The following GIGYF2 variants were observed in gnomAD, a reference collection of about 807,000 sequenced individuals.
The protein encoded by GIGYF2 is GRB10 interacting GYF protein 2, also known as GRB10-interacting GYF protein 2.
GIGYF2 carries 25 observed loss-of-function variants against 208.1 expected under a neutral mutation model. That is an observed-to-expected ratio of 0.12 (90% CI 0.09 to 0.17). The LOEUF (loss-of-function observed/expected upper bound fraction) is 0.17. Among genes scored for constraint, GIGYF2 ranks in the 10% least tolerant of loss-of-function variants. GIGYF2 has a pLI of 1.00. For synonymous variants in GIGYF2, 534 were observed against 543.8 expected (o/e 0.98, Z 0.25); for missense variants, 1,302 against 1,579.4 (o/e 0.82, Z 2.98).
chr2:232,816,558 AG>A lies in GIGYF2; in HGVS notation c.2209-311del, dbSNP rs1286865985. On this transcript the variant is annotated intron_variant, in intron 19 of 28. Coordinates refer to ENST00000373563, the MANE Select transcript of GIGYF2 (RefSeq NM_001103146.3). ...GAGTGTGGAGGCAAGTACAGGTGGG[AG>A]GAAAGTGCATTCAATTGAGACAGTC... Among the ~76,000 whole-genome samples, 19 of 152,298 alleles carry A rather than the reference AG, an allele frequency of 1.2e-4. No individual in the cohort carries two copies. The East Asian group carries it at 3.7e-3, about 29-fold the overall frequency.
At chr2:232,823,695 A>T (rs527689546) in intron 21 of GIGYF2, among the ~76,000 whole-genome samples, 4 of 152,206 alleles carry the variant, frequency 2.6e-5, no homozygotes, top group Admixed American at 2.6e-4. Context: ...TTTTGGTGTT[A>T]GGTTTATACT....
Position 232,768,369 on chromosome 2 carries a change from A to G in GIGYF2, c.532+6933A>G, listed in dbSNP as rs954056272. 15 of 1,614,136 alleles carry G rather than the reference A, an allele frequency of 9.3e-6. No homozygotes were observed. In the Middle Eastern group the frequency reaches 5.0e-4, roughly 53 times the overall value. ...TTCACCTTTGGAACCTCGGGTCAAC[A>G]GAGATGCAAAACAGTGATGTAACAT... On this transcript the variant is annotated intron_variant, in intron 8 of 28. Coordinates refer to ENST00000373563, the MANE Select transcript of GIGYF2 (RefSeq NM_001103146.3).
chr2:232,820,318 T>C (rs1472699295), intron 21 of GIGYF2, among the ~76,000 whole-genome samples: 1,461 of 20,064 alleles, frequency 0.073, 46 homozygotes, highest in Admixed American at 0.26. Context: ...AATAATTTCT[T>C]TTTTTTTTTT....
intron 3 of GIGYF2, among the ~76,000 whole-genome samples, chr2:232,738,906 G>T (rs1342477827): frequency 6.6e-6 from 1 of 152,156 alleles, no homozygotes; most frequent in Non-Finnish European, 1.5e-5. Flanking sequence ...CTGTGTGTTT[G>T]CTCTTGACAA....
At chr2:232,774,064 T>C (rs1699400562) in intron 8 of GIGYF2, among the ~76,000 whole-genome samples, 3 of 151,856 alleles carry the variant, frequency 2.0e-5, no homozygotes, top group Non-Finnish European at 1.5e-5. Flanking sequence ...GGAGGATTGC[T>C]TGAGGTCGGG....
intron 27 of GIGYF2, 91 bp from the exon 28 acceptor site, chr2:232,850,171 C>T (rs1690260224): frequency 8.3e-6 from 9 of 1,085,034 alleles, no homozygotes; most frequent in Non-Finnish European, 1.3e-5. Context: ...TAAGCTCATT[C>T]TTGATAAGGT....
intron 5 of GIGYF2, among the ~76,000 whole-genome samples, chr2:232,755,008 A>G (rs578200900): frequency 2.0e-5 from 3 of 152,346 alleles, no homozygotes; most frequent in African/African-American, 7.2e-5. Context: ...AACACATTTA[A>G]TAATGAAAGT....
At chr2:232,751,064 C>T (rs953376431) in intron 5 of GIGYF2, among the ~76,000 whole-genome samples, 9 of 152,092 alleles carry the variant, frequency 5.9e-5, no homozygotes, top group African/African-American at 1.9e-4. Flanking sequence ...TGGCCTCAAG[C>T]GATTCTCCTA....
intron 12 of GIGYF2, among the ~76,000 whole-genome samples, chr2:232,794,309 A>G (rs949636048): frequency 1.3e-5 from 2 of 152,346 alleles, no homozygotes; most frequent in East Asian, 3.9e-4. Flanking sequence ...TATATTAATC[A>G]TGACTTGAAA....
intron 8 of GIGYF2, chr2:232,776,795 A>G (rs748149747): frequency 6.7e-5 from 17 of 255,564 alleles, no homozygotes; most frequent in Non-Finnish European, 1.3e-4. Context: ...TCTAATCAGG[A>G]CCGGTCTTTA....
chr2:232,752,239 T>C (rs937721044), intron 5 of GIGYF2, among the ~76,000 whole-genome samples: 3 of 152,218 alleles, frequency 2.0e-5, no homozygotes, highest in African/African-American at 7.2e-5. Context: ...AATGATCAGG[T>C]ACCCCTTCAG....
At chr2:232,801,819 A>G (rs570133743) in intron 14 of GIGYF2, among the ~76,000 whole-genome samples, 6 of 152,312 alleles carry the variant, frequency 3.9e-5, no homozygotes, top group Middle Eastern at 3.4e-3. Context: ...AGCAAGCTTC[A>G]TTGGGATTTT....
intron 3 of GIGYF2, among the ~76,000 whole-genome samples, chr2:232,739,530 T>A (rs1697889474): frequency 6.6e-6 from 1 of 151,208 alleles, no homozygotes; most frequent in Non-Finnish European, 1.5e-5. Flanking sequence ...TAAAAAAAAA[T>A]TAGCTGGGCG....
At chr2:232,856,667 G>T in intron 28 of GIGYF2, 126 bp from the exon 29 acceptor site, 2 of 766,992 alleles carry the variant, frequency 2.6e-6, no homozygotes, top group Admixed American at 3.6e-5. Context: ...ACTCCAGCCT[G>T]GGTGACAGAG....
At chr2:232,768,034 A>T in intron 8 of GIGYF2, 1 of 691,936 alleles carries the variant, frequency 1.4e-6, no homozygotes, top group Non-Finnish European at 2.4e-6. Flanking sequence ...CAGAATGTGT[A>T]TTGTTAGCTC....
At chr2:232,737,343 A>G (rs1428361884) in intron 3 of GIGYF2, among the ~76,000 whole-genome samples, 2 of 152,190 alleles carry the variant, frequency 1.3e-5, no homozygotes, top group African/African-American at 4.8e-5. Context: ...GGTAGCCTTA[A>G]ACAGAGGGCA....
At chr2:232,728,680 T>C (rs1200926471) in intron 2 of GIGYF2, among the ~76,000 whole-genome samples, 6 of 152,140 alleles carry the variant, frequency 3.9e-5, no homozygotes, top group Non-Finnish European at 8.8e-5. Context: ...CGGTTACAAA[T>C]TTGTGGGCAG....
chr2:232,845,857 A>T lies in GIGYF2; in HGVS notation c.3431A>T (p.His1144Leu), dbSNP rs1369464524. The change falls in exon 26 of 29, where the codon CAT (histidine) becomes CTT (leucine). Residue 1144 changes from histidine to leucine, a missense_variant. This residue lies in a region of GIGYF2 where 701 missense variants were observed against 793.0 expected (regional missense o/e 0.88). Coordinates refer to ENST00000373563, the MANE Select transcript of GIGYF2 (RefSeq NM_001103146.3). ...ACGCAGTGGTGTGAACAGATGCTTC[A>T]TGCCCTTAATACGGCAAATAACTTG... The part of the protein sequence containing the change: ...GFTQWCEQML[H>L]ALNTANNLDV... 1 of 1,611,660 alleles carries T rather than the reference A, an allele frequency of 6.2e-7. No homozygotes were observed. The highest frequency in any genetic ancestry group is 1.7e-5 in the Admixed American group (1 of 60,010).
At chr2:232,710,777 G>A (rs1458631046) in intron 2 of GIGYF2, among the ~76,000 whole-genome samples, 1 of 145,824 alleles carries the variant, frequency 6.9e-6, no homozygotes, top group Admixed American at 7.2e-5. Flanking sequence ...TCGGCTCACT[G>A]CAACCTCCGT....
Sources: gnomAD v4.1 joint callset for allele counts (sites outside exome capture counted in the v4.1 genomes callset) on GRCh38, gnomAD v4.1.1 for gene constraint, gnomAD v4.1.1 regional missense constraint, MANE v1.5 for transcripts, NCBI Gene and HGNC (gene_info 2026-07-23, HGNC 2026-07-21) for gene names.